Variants in SPIN1 observed in about 807,000 individuals in gnomAD.
The protein encoded by SPIN1 is spindlin 1.
In SPIN1, 3 loss-of-function variants were observed where a neutral mutation model predicts 26.0. The ratio of observed to expected loss-of-function variants is 0.12; its 90% CI spans 0.05 to 0.30. The LOEUF is 0.30. SPIN1 is among the 10% of genes least tolerant of loss of function. The probability of loss-of-function intolerance (pLI) is 1.00; values close to 1 mark genes in which losing one functional copy is unlikely to be tolerated. For missense variants in SPIN1, 126 were observed against 333.4 expected, an observed-to-expected ratio of 0.38 and a Z score of 4.84; for synonymous variants, 101 against 116.5, an observed-to-expected ratio of 0.87 and a Z score of 0.86.
At chr9:88,403,937 G>T (rs748201905) in intron 1 of SPIN1, among the ~76,000 whole-genome samples, 1 of 152,146 alleles carries the variant, frequency 6.6e-6, no homozygotes, top group Non-Finnish European at 1.5e-5. Context: ...TGCGTTGTTA[G>T]GTGAGCATTA....
intron 1 of SPIN1, among the ~76,000 whole-genome samples, chr9:88,392,829 C>T (rs77388826): frequency 1.3e-3 from 201 of 152,274 alleles, no homozygotes; most frequent in African/African-American, 4.8e-3. Context: ...TCACCACTGC[C>T]TACACCACCT....
intron 1 of SPIN1, chr9:88,411,529 T>G (rs1229479167): frequency 3.0e-6 from 2 of 665,068 alleles, no homozygotes; most frequent in Admixed American, 5.7e-5. Flanking sequence ...AGCTTTTTTT[T>G]TGGAGACAGA....
intron 1 of SPIN1, among the ~76,000 whole-genome samples, chr9:88,413,864 A>G (rs1383098500): frequency 6.6e-6 from 1 of 152,182 alleles, no homozygotes; most frequent in Admixed American, 6.5e-5. Flanking sequence ...GGTTTTCACA[A>G]GACTGCCCTC....
chr9:88,439,016 C>G (rs1486321771), intron 2 of SPIN1, among the ~76,000 whole-genome samples: 1 of 152,102 alleles, frequency 6.6e-6, no homozygotes, highest in Admixed American at 6.6e-5. Context: ...TTGCTCATTC[C>G]TAAGGACCCA....
At chr9:88,429,676 C>T (rs1827827875) in intron 2 of SPIN1, among the ~76,000 whole-genome samples, 1 of 152,166 alleles carries the variant, frequency 6.6e-6, no homozygotes, top group Non-Finnish European at 1.5e-5. Flanking sequence ...CTTCTAAACT[C>T]TGTCTTTTGT....
chr9:88,452,252 T>G (rs1388364477), intron 3 of SPIN1, among the ~76,000 whole-genome samples: 1 of 152,196 alleles, frequency 6.6e-6, no homozygotes, highest in Non-Finnish European at 1.5e-5. Context: ...AGGAAACTGA[T>G]GCATGGAGGG....
chr9:88,462,363 G>C, intron 3 of SPIN1, 133 bp from the exon 4 acceptor site: 2 of 1,265,726 alleles, frequency 1.6e-6, no homozygotes, highest in Non-Finnish European at 2.2e-6. Context: ...CCTGAAGCAG[G>C]AATGTGGCAA....
chr9:88,458,015 G>A (rs1264302503), intron 3 of SPIN1: 5 of 981,280 alleles, frequency 5.1e-6, no homozygotes, highest in Non-Finnish European at 6.1e-6. Context: ...TTTGGTTTTA[G>A]TGTTGCTTTG....
chr9:88,410,188 T>TGTGTGTGTGCGC (rs4029765), intron 1 of SPIN1, among the ~76,000 whole-genome samples: 30 of 142,872 alleles, frequency 2.1e-4, no homozygotes, highest in African/African-American at 7.3e-4. Flanking sequence ...TGTGTGTGTG[T>TGTGTGTGTGCGC]GCAACTTTTT....
At chr9:88,390,635 C>T (rs182522111) in intron 1 of SPIN1, among the ~76,000 whole-genome samples, 84 of 152,236 alleles carry the variant, frequency 5.5e-4, no homozygotes, top group Middle Eastern at 3.4e-3. Context: ...TCTTCTTTCC[C>T]TTTCCATGAA....
intron 2 of SPIN1, among the ~76,000 whole-genome samples, chr9:88,434,171 T>C (rs1296023328): frequency 9.9e-5 from 15 of 152,116 alleles, no homozygotes; most frequent in Non-Finnish European, 7.4e-5. Context: ...CAAAGTTCAC[T>C]TAAAATAGTT....
intron 3 of SPIN1, among the ~76,000 whole-genome samples, chr9:88,452,523 A>T (rs1032370516): frequency 3.3e-5 from 5 of 152,212 alleles, no homozygotes; most frequent in African/African-American, 1.2e-4. Context: ...ATCATCTTGC[A>T]GTAAGTCATT....
At chr9:88,470,327 A>G (rs1828754031) in intron 5 of SPIN1, among the ~76,000 whole-genome samples, 1 of 152,178 alleles carries the variant, frequency 6.6e-6, no homozygotes, top group African/African-American at 2.4e-5. Flanking sequence ...TTGGGTATAT[A>G]CCTAGGAGTG....
At position 88,439,458 on chromosome 9, in the gene SPIN1, G is replaced by A. The variant is rs117087909; in HGVS notation, c.53-9483G>A. Among the ~76,000 whole-genome samples the A allele has an allele frequency of 6.9e-3, 1,046 of 152,196 alleles. 21 individuals are homozygous for A. Among genetic ancestry groups the A allele is most frequent in the South Asian group, 0.04 (193 of 4,814 alleles). ...AATTACTTTCAGGGGGTATATAGAA[G>A]GTTTATATGAAACATAAATAAATTT... is the stretch of plus-strand genomic sequence containing the variant. On this transcript the variant is annotated intron_variant, in intron 2 of 5. Transcript: ENST00000375859.
chr9:88,452,921 T>C (rs1204987125), intron 3 of SPIN1, among the ~76,000 whole-genome samples: 1 of 152,218 alleles, frequency 6.6e-6, no homozygotes, highest in Non-Finnish European at 1.5e-5. Context: ...TAATTAATCC[T>C]TACAACCTAG....
chr9:88,410,124 T>A (rs1827405070), intron 1 of SPIN1, among the ~76,000 whole-genome samples: 1 of 151,988 alleles, frequency 6.6e-6, no homozygotes, highest in Admixed American at 6.6e-5. Context: ...GATACCTTAC[T>A]ATCTTTCAAG....
chr9:88,447,800 G>T (rs1316297526), intron 2 of SPIN1, among the ~76,000 whole-genome samples: 1 of 152,110 alleles, frequency 6.6e-6, no homozygotes, highest in Admixed American at 6.5e-5. Context: ...AAAGGGTGGT[G>T]TTCTTGGTTC....
chr9:88,410,753 C>G, intron 1 of SPIN1: 2 of 1,285,216 alleles, frequency 1.6e-6, no homozygotes, highest in Non-Finnish European at 2.2e-6. Context: ...CCACCATTAC[C>G]AAATCCATTA....
intron 3 of SPIN1, among the ~76,000 whole-genome samples, chr9:88,455,306 A>T (rs2210156): frequency 0.19 from 28,698 of 152,098 alleles, 3,534 homozygotes; most frequent in African/African-American, 0.35. Flanking sequence ...AAAATACAAA[A>T]CTAGCCAGGC....
Sources: allele counts gnomAD v4.1 joint callset (sites outside exome capture counted in the v4.1 genomes callset), GRCh38; gene constraint gnomAD v4.1.1; transcripts MANE v1.5; gene names NCBI Gene and HGNC (gene_info 2026-07-23, HGNC 2026-07-21).